The following OARD1 variants were observed in gnomAD, a reference collection of about 807,000 sequenced individuals.
OARD1 encodes ADP-ribose glycohydrolase OARD1.
OARD1 carries 19 observed loss-of-function variants against 19.7 expected under a neutral mutation model. The observed-to-expected ratio is 0.96, with a 90% CI of 0.67 to 1.41. The LOEUF (loss-of-function observed/expected upper bound fraction) is 1.41, where lower values mean the gene tolerates loss of function less well. Among genes scored for constraint, OARD1 ranks in the 40% most tolerant of loss-of-function variants. The pLI is 0.00. For synonymous variants in OARD1, 70 were observed against 61.8 expected (o/e 1.13, Z -0.62); for missense variants, 190 against 183.8 (o/e 1.03, Z -0.20).
chr6:41,091,637 T>C, intron 1 of OARD1: 1 of 1,614,236 alleles, frequency 6.2e-7, no homozygotes, highest in Admixed American at 1.7e-5. Context: ...GGCAAGGGAC[T>C]GTCACTGTGA....
chr6:41,090,190 C>T (rs745791252), intron 1 of OARD1: 2 of 1,551,682 alleles, frequency 1.3e-6, no homozygotes, highest in Non-Finnish European at 8.9e-7. Flanking sequence ...TGTGTCATTA[C>T]TTATTTCCTC....
chr6:41,090,213 C>G, intron 1 of OARD1: 3 of 1,610,366 alleles, frequency 1.9e-6, no homozygotes, highest in Non-Finnish European at 2.5e-6. Context: ...GACACAGCAG[C>G]AGATTGCTGT....
chr6:41,078,155 G>A (rs923161457), intron 1 of OARD1, among the ~76,000 whole-genome samples: 2 of 152,004 alleles, frequency 1.3e-5, no homozygotes, highest in African/African-American at 4.8e-5. Context: ...TCCATTTTTT[G>A]ATGCATTTCA....
At chr6:41,090,393 G>A in intron 1 of OARD1, 1 of 750,002 alleles carries the variant, frequency 1.3e-6, no homozygotes, top group Non-Finnish European at 2.3e-6. Flanking sequence ...GAATTTGAGT[G>A]GTGAACTTGA....
intron 1 of OARD1, among the ~76,000 whole-genome samples, chr6:41,092,101 T>C (rs946187497): frequency 6.6e-5 from 10 of 152,214 alleles, no homozygotes; most frequent in African/African-American, 2.4e-4. Flanking sequence ...CATGTAAATG[T>C]ATTGGGAAGA....
rs369156425 is a variant in OARD1 at position 41,067,243 on chromosome 6, T to C, written c.*92A>G. ...AAACACACTACTTCTCATGAAACTT[T>C]CCTCTGCCTATTTTAAGGTAGGTTT... is the stretch of plus-strand genomic sequence containing the variant. On this transcript the variant is annotated 3_prime_UTR_variant, in exon 6 of 6. Transcript: ENST00000424266. The C allele has an allele frequency of 9.8e-5, 68 of 696,236 alleles. No individual in the cohort carries two copies. The African/African-American group carries it at 1.1e-3, about 12-fold the overall frequency. 43.1% of individuals were successfully genotyped at this position (696,236 alleles called of 1,614,324 possible).
At chr6:41,090,688 GACTATTAT>G (rs1764176810) in intron 1 of OARD1, among the ~76,000 whole-genome samples, 1 of 152,164 alleles carries the variant, frequency 6.6e-6, no homozygotes, top group African/African-American at 2.4e-5. Flanking sequence ...TACTTTAAAT[GACTATTAT>G]GTATACAGCA....
At chr6:41,087,451 C>A (rs1303792259) in intron 1 of OARD1, among the ~76,000 whole-genome samples, 1 of 152,030 alleles carries the variant, frequency 6.6e-6, no homozygotes, top group African/African-American at 2.4e-5. Flanking sequence ...CCAAGGTGGT[C>A]CCAAGTTGAA....
intron 1 of OARD1, among the ~76,000 whole-genome samples, chr6:41,094,744 C>G (rs1391386156): frequency 6.6e-6 from 1 of 152,094 alleles, no homozygotes; most frequent in Non-Finnish European, 1.5e-5. Context: ...TCAAGACCAG[C>G]CTGGGCAACA....
chr6:41,089,538 G>C, intron 1 of OARD1: 2 of 1,543,388 alleles, frequency 1.3e-6, no homozygotes, highest in Non-Finnish European at 1.7e-6. Flanking sequence ...GGAGACCAGT[G>C]TCAGTAGAGT....
intron 1 of OARD1, among the ~76,000 whole-genome samples, chr6:41,088,996 AT>A (rs1003042058): frequency 2.0e-5 from 3 of 151,538 alleles, no homozygotes; most frequent in African/African-American, 7.3e-5. Flanking sequence ...TTATTTTTTT[AT>A]TTTTTTGAGA....
chr6:41,072,054 G>A (rs913239220), intron 1 of OARD1, among the ~76,000 whole-genome samples, 182 bp downstream of exon 1: 3 of 152,258 alleles, frequency 2.0e-5, no homozygotes, highest in African/African-American at 7.2e-5. Context: ...GAAGAAAACA[G>A]AAGGGACTTG....
At chr6:41,069,072 G>C (rs1763183291) in intron 4 of OARD1, 119 bp from the exon 5 acceptor site, 4 of 572,766 alleles carry the variant, frequency 7.0e-6, no homozygotes, top group African/African-American at 5.8e-5. Flanking sequence ...AATTAGTCTA[G>C]AGCAAGGATG....
At chr6:41,097,663 G>C (rs1237909584) in intron 1 of OARD1, 2 of 420,406 alleles carry the variant, frequency 4.8e-6, no homozygotes, top group Non-Finnish European at 8.7e-6. Flanking sequence ...TCATGGATTC[G>C]GATGATGCAA....
At chr6:41,073,343 CAGGGTG>C (rs1763593978), upstream of OARD1, among the ~76,000 whole-genome samples, 26 of 151,874 alleles carry the variant, frequency 1.7e-4, 1 homozygote, top group Admixed American at 1.7e-3. Context: ...CCGACCCTCG[CAGGGTG>C]CCAGGGCCAG....
upstream of OARD1, among the ~76,000 whole-genome samples, chr6:41,073,239 G>C (rs571283013): frequency 2.5e-4 from 38 of 151,382 alleles, no homozygotes; most frequent in East Asian, 6.3e-3. Context: ...GCCCCGGCCC[G>C]GGGCCTGCGA....
Position 41,070,493 on chromosome 6 carries a change from C to CT in OARD1, c.185-360dup, listed in dbSNP as rs1362687474. ...AAATGTGTATTTACTCAATAATTAT[C>CT]TTTTTACATACAAAGAGCTGTATAA... On this transcript the variant is annotated intron_variant, in intron 3 of 5. Transcript: ENST00000424266. Among the ~76,000 whole-genome samples, 5 of 152,240 alleles carry CT rather than the reference C, an allele frequency of 3.3e-5. No individual in the cohort carries two copies. The South Asian group carries it at 1.0e-3, about 32-fold the overall frequency.
intron 1 of OARD1, among the ~76,000 whole-genome samples, chr6:41,096,299 A>C (rs1764354685): frequency 2.0e-5 from 3 of 152,218 alleles, no homozygotes; most frequent in Admixed American, 2.0e-4. Flanking sequence ...CTGTAGTGTG[A>C]GAGCCCCTCC....
intron 1 of OARD1, among the ~76,000 whole-genome samples, chr6:41,083,358 G>T (rs1763958669): frequency 6.6e-6 from 1 of 152,192 alleles, no homozygotes; most frequent in Non-Finnish European, 1.5e-5. Flanking sequence ...ATATTATAGA[G>T]GCCAGTGAGG....
Sources: allele counts gnomAD v4.1 joint callset (sites outside exome capture counted in the v4.1 genomes callset), GRCh38; gene constraint gnomAD v4.1.1; transcripts MANE v1.5; gene names NCBI Gene and HGNC (gene_info 2026-07-23, HGNC 2026-07-21).